LRRC7: variants seen among roughly 807,000 people sequenced by gnomAD.
The protein encoded by LRRC7 is leucine rich repeat containing 7.
Under a neutral mutation model 175.7 loss-of-function variants are expected in LRRC7, and 23 were observed. The observed-to-expected ratio is 0.13, with a 90% CI of 0.09 to 0.19. The LOEUF (loss-of-function observed/expected upper bound fraction) is 0.19, where lower values mean the gene tolerates loss of function less well. LRRC7 is among the 10% of genes least tolerant of loss of function. The pLI, the probability that LRRC7 is intolerant of heterozygous loss-of-function variation, is 1.00. For missense variants in LRRC7, 1,354 were observed against 1,904.7 expected (o/e 0.71, Z 5.38); for synonymous variants, 685 against 680.9 (o/e 1.01, Z -0.09).
In LRRC7 at chr1:70,011,972, G is replaced by A. The variant is rs190492783; in HGVS notation, c.1134+46G>A. 25 of 1,429,188 alleles carry A rather than the reference G, an allele frequency of 1.7e-5. No individual in the cohort carries two copies. In the African/African-American group the frequency reaches 2.6e-4, roughly 15 times the overall value. 88.5% of individuals were successfully genotyped at this position (1,429,188 alleles called of 1,614,324 possible). A position where few individuals can be genotyped will look rare whatever the true frequency, so the allele number is the denominator to read the frequency against. On this transcript the variant is annotated intron_variant, in intron 12 of 26. Transcript: ENST00000651989. ...CTATTTATTAACTTTTAATTAATCT[G>A]TTTTGGAGTAAAATCTTAACAGGTA...
intron 2 of LRRC7, among the ~76,000 whole-genome samples, chr1:69,744,109 C>T (rs987539526): frequency 6.6e-6 from 1 of 151,568 alleles, no homozygotes; most frequent in African/African-American, 2.4e-5. Flanking sequence ...GTTTCCTATA[C>T]TATGATTGGG....
intron 2 of LRRC7, among the ~76,000 whole-genome samples, chr1:69,722,406 A>C (rs2100784347): frequency 6.6e-6 from 1 of 152,200 alleles, no homozygotes; most frequent in East Asian, 1.9e-4. Flanking sequence ...TCTAGAAGAA[A>C]TAAAATTGCT....
At chr1:70,049,419 G>GT (rs1365357323) in intron 22 of LRRC7, among the ~76,000 whole-genome samples, 8 of 152,150 alleles carry the variant, frequency 5.3e-5, no homozygotes, top group Non-Finnish European at 1.2e-4. Context: ...ATTTAATGCA[G>GT]TTTTTTTCTG....
At chr1:69,797,786 A>T (rs1266086503) in intron 4 of LRRC7, among the ~76,000 whole-genome samples, 4 of 152,200 alleles carry the variant, frequency 2.6e-5, no homozygotes, top group Non-Finnish European at 4.4e-5. Context: ...CCAATATAAG[A>T]TATGTCATTT....
chr1:69,836,289 A>C (rs1418111341), intron 6 of LRRC7, among the ~76,000 whole-genome samples: 1 of 152,046 alleles, frequency 6.6e-6, no homozygotes, highest in Non-Finnish European at 1.5e-5. Context: ...GCAGTTTTAA[A>C]ATTCACAGAG....
chr1:69,579,059 C>G (rs971512555), intron 1 of LRRC7, among the ~76,000 whole-genome samples: 2 of 151,880 alleles, frequency 1.3e-5, no homozygotes, highest in Non-Finnish European at 2.9e-5. Context: ...AATATTATTG[C>G]TTAACAATGG....
At chr1:70,034,176 T>C (rs898228190) in intron 18 of LRRC7, among the ~76,000 whole-genome samples, 32 of 152,172 alleles carry the variant, frequency 2.1e-4, no homozygotes, top group African/African-American at 7.7e-4. Context: ...CTCAAACTCA[T>C]ATCTTCTTAT....
intron 4 of LRRC7, among the ~76,000 whole-genome samples, chr1:69,814,663 T>G (rs562296777): frequency 6.6e-6 from 1 of 152,310 alleles, no homozygotes; most frequent in East Asian, 1.9e-4. Context: ...CTACTATTTC[T>G]CTGTGTTTGG....
intron 8 of LRRC7, among the ~76,000 whole-genome samples, chr1:69,965,622 A>C (rs1396426828): frequency 2.0e-5 from 3 of 152,046 alleles, no homozygotes; most frequent in African/African-American, 7.2e-5. Context: ...TTTTTTAAAA[A>C]ATTTTAAAAA....
chr1:69,829,896 T>C (rs1197533098), intron 5 of LRRC7, among the ~76,000 whole-genome samples: 1 of 151,772 alleles, frequency 6.6e-6, no homozygotes, highest in African/African-American at 2.4e-5. Context: ...CTGGAAGTAA[T>C]TATATTGACA....
At chr1:69,676,416 A>G (rs1023801104) in intron 1 of LRRC7, among the ~76,000 whole-genome samples, 3 of 152,126 alleles carry the variant, frequency 2.0e-5, no homozygotes, top group South Asian at 2.1e-4. Context: ...AATCATGTTT[A>G]TATTTTCAAA....
At chr1:69,857,622 A>C (rs1683827817) in intron 7 of LRRC7, among the ~76,000 whole-genome samples, 1 of 152,188 alleles carries the variant, frequency 6.6e-6, no homozygotes, top group Non-Finnish European at 1.5e-5. Flanking sequence ...GACACAAACA[A>C]ATGGAAGAAC....
intron 23 of LRRC7, among the ~76,000 whole-genome samples, chr1:70,055,671 A>G (rs974273216): frequency 6.6e-6 from 1 of 152,172 alleles, no homozygotes; most frequent in Non-Finnish European, 1.5e-5. Flanking sequence ...ACGTGATGGT[A>G]GGACAGAAAG....
chr1:69,919,397 G>A (rs1235621389), intron 7 of LRRC7: 4 of 666,736 alleles, frequency 6.0e-6, no homozygotes, highest in Admixed American at 2.5e-5. Context: ...TGGGAAAAGC[G>A]CATGAGCCGC....
intron 1 of LRRC7, among the ~76,000 whole-genome samples, chr1:69,676,044 C>A (rs1314740121): frequency 6.7e-6 from 1 of 150,170 alleles, no homozygotes; most frequent in Non-Finnish European, 1.5e-5. Flanking sequence ...CACACACAAG[C>A]ACATAAAGCA....
chr1:69,636,355 C>T (rs1653354689), intron 1 of LRRC7, among the ~76,000 whole-genome samples: 2 of 151,694 alleles, frequency 1.3e-5, no homozygotes, highest in African/African-American at 4.8e-5. Flanking sequence ...ATATATTCTC[C>T]TCACCAATAA....
At chr1:69,990,335 G>A (rs1654317743) in intron 10 of LRRC7, among the ~76,000 whole-genome samples, 1 of 152,020 alleles carries the variant, frequency 6.6e-6, no homozygotes, top group African/African-American at 2.4e-5. Context: ...AAAGTAGAGA[G>A]AAGGAATAGG....
At chr1:70,026,041 A>G (rs1658065828) in intron 17 of LRRC7, among the ~76,000 whole-genome samples, 1 of 152,144 alleles carries the variant, frequency 6.6e-6, no homozygotes, top group Admixed American at 6.5e-5. Flanking sequence ...TAAAATAACC[A>G]GAAAATATTA....
chr1:70,025,294 G>T (rs374032143), intron 17 of LRRC7, among the ~76,000 whole-genome samples: 12 of 150,296 alleles, frequency 8.0e-5, no homozygotes, highest in East Asian at 3.9e-4. Flanking sequence ...TAAACCTATA[G>T]AATTAATAAT....
Sources: gnomAD v4.1 joint callset for allele counts (sites outside exome capture counted in the v4.1 genomes callset) on GRCh38, gnomAD v4.1.1 for gene constraint, MANE v1.5 for transcripts, NCBI Gene and HGNC (gene_info 2026-07-23, HGNC 2026-07-21) for gene names.